CDH8: variants seen among roughly 807,000 people sequenced by gnomAD.
CDH8 encodes the protein cadherin-8.
Under a neutral mutation model 68.1 loss-of-function variants are expected in CDH8, and 17 were observed. That is an observed-to-expected ratio of 0.25 (90% CI 0.17 to 0.37). The LOEUF (loss-of-function observed/expected upper bound fraction) is 0.37. CDH8 is among the 10% of genes least tolerant of loss of function. The pLI is 1.00. For missense variants in CDH8, 763 were observed against 999.3 expected (o/e 0.76, Z 3.19); for synonymous variants, 372 against 365.1 (o/e 1.02, Z -0.21).
chr16:61,717,002 A>G (rs930237771), intron 9 of CDH8, among the ~76,000 whole-genome samples: 1 of 151,704 alleles, frequency 6.6e-6, no homozygotes, highest in Non-Finnish European at 1.5e-5. Flanking sequence ...CATACCGAGT[A>G]GAGGGCAACT....
At chr16:62,011,218 AT>A (rs1431299444) in intron 2 of CDH8, among the ~76,000 whole-genome samples, 6 of 152,298 alleles carry the variant, frequency 3.9e-5, no homozygotes, top group Non-Finnish European at 8.8e-5. Flanking sequence ...TACTCTGTAG[AT>A]TTCAGAACAC....
chr16:61,970,880 A>T (rs2150576598), intron 2 of CDH8, among the ~76,000 whole-genome samples: 1 of 152,326 alleles, frequency 6.6e-6, no homozygotes, highest in Middle Eastern at 3.4e-3. Flanking sequence ...TCCACAAAAG[A>T]AGTAAAAACA....
At chr16:62,032,164 A>T (rs1215621099) in intron 1 of CDH8, among the ~76,000 whole-genome samples, 2 of 152,200 alleles carry the variant, frequency 1.3e-5, no homozygotes, top group East Asian at 3.8e-4. Context: ...GCCACAGATA[A>T]CATTTTTTGA....
intron 2 of CDH8, among the ~76,000 whole-genome samples, chr16:62,001,936 AC>A (rs1333550613): frequency 1.3e-5 from 2 of 152,092 alleles, no homozygotes; most frequent in Non-Finnish European, 2.9e-5. Context: ...AGTAGATAAG[AC>A]AAGTAGATAT....
chr16:61,995,544 A>C (rs1020254084), intron 2 of CDH8, among the ~76,000 whole-genome samples: 1 of 151,986 alleles, frequency 6.6e-6, no homozygotes, highest in African/African-American at 2.4e-5. Context: ...TGCCCGGCTA[A>C]TTTTTTGTAT....
chr16:61,779,464 T>TGTGTGTGTGTGTGC (rs796315669), intron 8 of CDH8, among the ~76,000 whole-genome samples: 6 of 141,542 alleles, frequency 4.2e-5, no homozygotes, highest in South Asian at 4.6e-4. Context: ...TGTGTGTGTG[T>TGTGTGTGTGTGTGC]GCGCGCATGG....
At position 62,034,035 on chromosome 16, in the gene CDH8, G is replaced by C. The variant is rs117369189; in HGVS notation, c.-200+2045C>G. Among the ~76,000 whole-genome samples the C allele has an allele frequency of 3.2e-3, 489 of 152,036 alleles. 2 individuals carry two copies. The highest frequency in any genetic ancestry group is 4.5e-3 in the Non-Finnish European group (307 of 67,992). On this transcript the variant is annotated intron_variant, in intron 1 of 11. Coordinates refer to ENST00000577390, the MANE Select transcript of CDH8 (RefSeq NM_001796.5). ...GAATTTATTCCAGCCACAGAGCTCG[G>C]GGAAGTGGAAAAACATGTCTGGACA...
At chr16:61,712,480 A>G (rs1964648836) in intron 10 of CDH8, among the ~76,000 whole-genome samples, 1 of 151,682 alleles carries the variant, frequency 6.6e-6, no homozygotes, top group Admixed American at 6.6e-5. Flanking sequence ...GATACTTACT[A>G]GTTCAAAATC....
rs1960658567 is a variant in CDH8, at chr16:61,768,342, CT to C, written c.1414+21003del. Reference sequence around the variant, plus strand: ...TCTCTCTCTCTCTCTCTCTCTCTCTCTCTCTCTCTCTCTCTCTCTCTCTCTC... The same window carrying C: ...TCTCTCTCTCTCTCTCTCTCTCTCTCCTCTCTCTCTCTCTCTCTCTCTCTC... On this transcript the variant is annotated intron_variant, in intron 8 of 11. Coordinates refer to ENST00000577390, the MANE Select transcript of CDH8 (RefSeq NM_001796.5). 2.2e-3 allele frequency among the ~76,000 whole-genome samples: 242 copies of C among 110,836 alleles called. 5 individuals carry two copies. The highest frequency in any genetic ancestry group is 8.5e-3 in the African/African-American group (227 of 26,728). 72.7% of individuals were successfully genotyped at this position (110,836 alleles called of 152,430 possible).
chr16:62,035,726 A>G (rs1055037505), intron 1 of CDH8, among the ~76,000 whole-genome samples: 6 of 151,966 alleles, frequency 3.9e-5, no homozygotes, highest in Admixed American at 6.5e-5. Context: ...GCGCGGCTGC[A>G]GCCGCGCCTG....
chr16:61,820,610 C>T (rs995279146), intron 6 of CDH8, among the ~76,000 whole-genome samples: 14 of 152,048 alleles, frequency 9.2e-5, no homozygotes, highest in African/African-American at 3.4e-4. Context: ...GCTGCCTTCA[C>T]AGGATGTTGA....
intron 8 of CDH8, among the ~76,000 whole-genome samples, chr16:61,779,052 G>A (rs1162313126): frequency 6.6e-6 from 1 of 152,162 alleles, no homozygotes; most frequent in African/African-American, 2.4e-5. Context: ...CTAACTCAGA[G>A]AGATTAATTT....
intron 2 of CDH8, among the ~76,000 whole-genome samples, chr16:62,019,003 G>A (rs1902008815): frequency 1.3e-5 from 2 of 152,282 alleles, no homozygotes; most frequent in South Asian, 2.1e-4. Context: ...AGATAAAAAT[G>A]AATTGTTCTC....
intron 7 of CDH8, among the ~76,000 whole-genome samples, chr16:61,799,690 C>T (rs954265094): frequency 3.3e-5 from 5 of 151,670 alleles, no homozygotes; most frequent in African/African-American, 1.2e-4. Flanking sequence ...AAATTGTTTA[C>T]CATATAGAAA....
At chr16:61,839,982 C>T (rs898804452) in intron 4 of CDH8, among the ~76,000 whole-genome samples, 2 of 152,132 alleles carry the variant, frequency 1.3e-5, no homozygotes, top group Non-Finnish European at 2.9e-5. Context: ...TCTACCTTGC[C>T]TGCCCCTCTT....
chr16:61,681,457 A>T (rs1299702408), intron 10 of CDH8, among the ~76,000 whole-genome samples: 1 of 151,868 alleles, frequency 6.6e-6, no homozygotes. Context: ...ATTTATTTAA[A>T]ATGCCCAGAA....
intron 3 of CDH8, among the ~76,000 whole-genome samples, chr16:61,883,958 G>T (rs1264237396): frequency 7.9e-5 from 12 of 151,034 alleles, no homozygotes; most frequent in East Asian, 3.9e-4. Context: ...ACAGTAGAAG[G>T]TTTTTTTTTA....
chr16:61,982,386 A>T (rs1480301384), intron 2 of CDH8, among the ~76,000 whole-genome samples: 3 of 151,746 alleles, frequency 2.0e-5, no homozygotes, highest in Non-Finnish European at 4.4e-5. Context: ...CGCCCGGCTA[A>T]TTTTTTGTAT....
At chr16:61,960,419 G>GGTATATA (rs1965133216) in intron 2 of CDH8, among the ~76,000 whole-genome samples, 1 of 124,394 alleles carries the variant, frequency 8.0e-6, no homozygotes, top group South Asian at 2.5e-4. Context: ...ATATGTGTGT[G>GGTATATA]TGTATACACA....
Sources: gnomAD v4.1 joint callset for allele counts (sites outside exome capture counted in the v4.1 genomes callset) on GRCh38, gnomAD v4.1.1 for gene constraint, MANE v1.5 for transcripts, NCBI Gene and HGNC (gene_info 2026-07-23, HGNC 2026-07-21) for gene names.